The following MTMR1 variants were observed in gnomAD, a reference collection of about 807,000 sequenced individuals.
MTMR1 encodes myotubularin related protein 1.
Under a neutral mutation model 51.6 loss-of-function variants are expected in MTMR1, and 17 were observed. That is an observed-to-expected ratio of 0.33 (90% CI 0.23 to 0.49). The LOEUF (loss-of-function observed/expected upper bound fraction) is 0.49. MTMR1 is among the 20% of genes least tolerant of loss of function. MTMR1 has a pLI of 0.99. For missense variants in MTMR1, 386 were observed against 526.9 expected, an observed-to-expected ratio of 0.73 and a Z score of 2.62; for synonymous variants, 201 against 205.6, an observed-to-expected ratio of 0.98 and a Z score of 0.19.
intron 2 of MTMR1, among the ~76,000 whole-genome samples, chrX:150,709,331 T>G (rs2041228337): frequency 1.8e-5 from 2 of 112,154 alleles, no homozygotes; most frequent in South Asian, 7.4e-4. Flanking sequence ...TCCATTGACC[T>G]TCTCCCCTCC....
chrX:150,736,761 A>G lies in MTMR1; in HGVS notation c.1247A>G (p.His416Arg). The G allele has an allele frequency of 1.7e-6, 2 of 1,205,947 alleles. No homozygotes were observed. The highest frequency in any genetic ancestry group is 2.2e-6 in the Non-Finnish European group (2 of 892,266). ...ARWLSNVDGTHWLEYIRMLLA... is the reference protein window; with the variant it reads ...ARWLSNVDGTRWLEYIRMLLA... ...TGGCTCTCCAATGTGGATGGGACGC[A>G]TTGGCTGGAATATATAAGGGTAAAG... is the stretch of plus-strand genomic sequence containing the variant. The change falls in exon 11 of 16, where the codon CAT becomes CGT. Residue 416 changes from histidine (H) to arginine (R), a missense_variant. His to Arg is a conservative substitution (Grantham distance 29). Transcript: ENST00000445323.
At chrX:150,748,680 A>C (rs782132597) in intron 13 of MTMR1, among the ~76,000 whole-genome samples, 15 of 66,867 alleles carry the variant, frequency 2.2e-4, no homozygotes, top group South Asian at 1.0e-3. Flanking sequence ...AACAAAAAAC[A>C]AAAAAAAACT....
chrX:150,705,862 A>G (rs1364717367), intron 2 of MTMR1, among the ~76,000 whole-genome samples: 1 of 112,064 alleles, frequency 8.9e-6, no homozygotes, highest in Non-Finnish European at 1.9e-5. Context: ...AGATTAATAT[A>G]CAAAAGTGAG....
At chrX:150,757,625 C>A (rs2042942080) in intron 15 of MTMR1, among the ~76,000 whole-genome samples, 2 of 111,890 alleles carry the variant, frequency 1.8e-5, no homozygotes, top group South Asian at 3.7e-4. Context: ...ACACGCCCTG[C>A]CCCTGCTTGA....
At position 150,732,546 on chromosome X, in the gene MTMR1, T is replaced by C. The variant is rs781798790; in HGVS notation, c.896T>C (p.Leu299Ser). 8.3e-7 allele frequency: 1 copy of C among 1,205,093 alleles called. No individual in the cohort carries two copies. ...TTTATTGCTTAAAAACACTAGGTGT[T>C]GTCATGGATTCATCCGGAAAGTCAA... is the stretch of plus-strand genomic sequence containing the variant. ...AFRAKGRVPV[L>S]SWIHPESQAT... Residue 299 changes from leucine (L) to serine (S), a missense_variant, in exon 10 of 16, where the codon TTG becomes TCG. Physicochemically the swap from Leu to Ser is moderately radical, Grantham distance 145. Coordinates refer to ENST00000445323, the MANE Select transcript of MTMR1 (RefSeq NM_001306144.3).
intron 15 of MTMR1, among the ~76,000 whole-genome samples, chrX:150,759,181 G>A (rs1344725190): frequency 8.9e-6 from 1 of 112,583 alleles, no homozygotes; most frequent in Non-Finnish European, 1.9e-5. Context: ...TTTCCAGTCA[G>A]TGGTCAACTT....
chrX:150,724,173 G>C (rs1557416678), intron 4 of MTMR1, among the ~76,000 whole-genome samples: 1 of 111,239 alleles, frequency 9.0e-6, no homozygotes, highest in African/African-American at 3.3e-5. Context: ...TTCCACAACG[G>C]TTGAACTAAT....
At chrX:150,709,303 G>C (rs1557416153) in intron 2 of MTMR1, among the ~76,000 whole-genome samples, 1 of 112,206 alleles carries the variant, frequency 8.9e-6, no homozygotes. Flanking sequence ...TATCAACTTA[G>C]AGACTTTTGG....
chrX:150,714,268 T>C lies in MTMR1; in HGVS notation c.276+1903T>C, dbSNP rs139131105. 4.1e-3 allele frequency among the ~76,000 whole-genome samples: 464 copies of C among 112,244 alleles called. 2 individuals carry two copies. The highest frequency in any genetic ancestry group is 0.014 in the African/African-American group (420 of 30,925). ...ACAAACACAGAATAGATACTCCATTTTAGGCTGTGGATGCTATAGATGGCC... is the reference window on the plus strand; with the variant it reads ...ACAAACACAGAATAGATACTCCATTCTAGGCTGTGGATGCTATAGATGGCC... On this transcript the variant is annotated intron_variant, in intron 3 of 15. Coordinates refer to ENST00000445323, the MANE Select transcript of MTMR1 (RefSeq NM_001306144.3).
rs900096115 is a variant in MTMR1, at chrX:150,763,458, C to G, written c.*729C>G. ...GCTCAGCCCATTCATGGGGATGGCA[C>G]CAAGCGGCCATGCTCAGTCTTCCAG... On this transcript the variant is annotated 3_prime_UTR_variant, in exon 16 of 16. Transcript: ENST00000445323. 8 of 112,635 alleles carry G rather than the reference C, an allele frequency of 7.1e-5. No individual in the cohort carries two copies. The highest frequency in any genetic ancestry group is 6.5e-4 in the Admixed American group (7 of 10,719). 9.3% of individuals were successfully genotyped at this position (112,635 alleles called of 1,213,427 possible). A position where few individuals can be genotyped will look rare whatever the true frequency, so the allele number is the denominator to read the frequency against.
Position 150,727,218 on chromosome X carries a change from A to G in MTMR1, c.356A>G (p.Lys119Arg), listed in dbSNP as rs376319087. ...FPGESIKAIV[K>R]DVMYICPFMG... Reference sequence around the variant, plus strand: ...TACTTTGGCCTTTTTCTTTCAGTGAAAGATGTCATGTATATCTGCCCATTT... The same window carrying G: ...TACTTTGGCCTTTTTCTTTCAGTGAGAGATGTCATGTATATCTGCCCATTT... Residue 119 changes from lysine (K) to arginine (R), a missense_variant, in exon 5 of 16, where the codon AAA becomes AGA. Coordinates refer to ENST00000445323, the MANE Select transcript of MTMR1 (RefSeq NM_001306144.3). 4.2e-6 allele frequency: 5 copies of G among 1,196,271 alleles called. No individual in the cohort carries two copies. The African/African-American group carries it at 8.8e-5, about 21-fold the overall frequency.
At chrX:150,751,569 C>T (rs1247479120) in intron 14 of MTMR1, among the ~76,000 whole-genome samples, 1 of 111,357 alleles carries the variant, frequency 9.0e-6, no homozygotes, top group Non-Finnish European at 1.9e-5. Context: ...TGCCTCTTTC[C>T]TGCCTCCTCG....
chrX:150,708,162 C>T (rs1294975471), intron 2 of MTMR1, among the ~76,000 whole-genome samples: 7 of 111,636 alleles, frequency 6.3e-5, no homozygotes, highest in Non-Finnish European at 1.1e-4. Flanking sequence ...TGATTGTAAT[C>T]AATGCCAATA....
intron 6 of MTMR1, 120 bp downstream of exon 6, chrX:150,727,911 T>G (rs782271219): frequency 2.5e-6 from 1 of 397,446 alleles, no homozygotes; most frequent in Non-Finnish European, 4.2e-6. Flanking sequence ...AACTCAAATG[T>G]TTTCGGGATA....
chrX:150,729,321 C>G (rs1479941815), intron 6 of MTMR1, among the ~76,000 whole-genome samples: 2 of 111,513 alleles, frequency 1.8e-5, no homozygotes, highest in East Asian at 5.6e-4. Context: ...AGTCAGCCAC[C>G]AAGGTGTATG....
At chrX:150,723,245 G>C (rs2041813205) in intron 4 of MTMR1, among the ~76,000 whole-genome samples, 3 of 111,480 alleles carry the variant, frequency 2.7e-5, no homozygotes, top group Admixed American at 1.9e-4. Flanking sequence ...TCTTGATCCA[G>C]TCTATCATTG....
chrX:150,697,922 A>G (rs2040737490), intron 1 of MTMR1, among the ~76,000 whole-genome samples: 1 of 111,535 alleles, frequency 9.0e-6, no homozygotes, highest in South Asian at 3.7e-4. Flanking sequence ...AGGGCATGTC[A>G]CCTCTGTGCC....
chrX:150,754,643 C>T (rs1009606931), intron 14 of MTMR1, among the ~76,000 whole-genome samples: 3 of 112,185 alleles, frequency 2.7e-5, no homozygotes, highest in African/African-American at 6.5e-5. Context: ...GCTTCTCCAG[C>T]CTGCACCACA....
At chrX:150,760,663 C>G (rs2043084836) in intron 15 of MTMR1, among the ~76,000 whole-genome samples, 1 of 112,148 alleles carries the variant, frequency 8.9e-6, no homozygotes, top group Admixed American at 9.4e-5. Flanking sequence ...GTGGCTCACG[C>G]CTGTAATCCC....
Sources: gnomAD v4.1 joint callset for allele counts (sites outside exome capture counted in the v4.1 genomes callset) on GRCh38, gnomAD v4.1.1 for gene constraint, MANE v1.5 for transcripts, NCBI Gene and HGNC (gene_info 2026-07-23, HGNC 2026-07-21) for gene names.